The following SPATA6L variants were observed in gnomAD, a reference collection of about 807,000 sequenced individuals.
The protein encoded by SPATA6L is spermatogenesis associated 6-like protein.
SPATA6L carries 68 observed loss-of-function variants against 49.2 expected under a neutral mutation model. That is an observed-to-expected ratio of 1.38 (90% CI 1.14 to 1.69). The LOEUF (loss-of-function observed/expected upper bound fraction) is 1.69. Among genes scored for constraint, SPATA6L ranks in the 40% most tolerant of loss-of-function variants. The pLI, the probability that SPATA6L is intolerant of heterozygous loss-of-function variation, is 0.00. For synonymous variants in SPATA6L, 198 were observed against 165.7 expected, an observed-to-expected ratio of 1.19 and a Z score of -1.50; for missense variants, 668 against 464.3, an observed-to-expected ratio of 1.44 and a Z score of -4.03.
Position 4,617,992 on chromosome 9 carries a change from T to C in SPATA6L, c.926A>G (p.Lys309Arg), listed in dbSNP as rs762180992. Reference protein sequence around the residue: ...SKQGDADFHGKASFATYQHST... With the variant: ...SKQGDADFHGRASFATYQHST... ...ATGCTGGTAGGTGGCAAATGAAGCT[T>C]TCCCGTGGAAATCAGCATCCCCTTG... is the stretch of plus-strand genomic sequence containing the variant. The change falls in exon 9 of 12, where the codon AAA (lysine) becomes AGA (arginine). Residue 309 changes from lysine (K) to arginine (R), a missense_variant. Lys to Arg is a conservative substitution (Grantham distance 26). Coordinates refer to ENST00000682582, the MANE Select transcript of SPATA6L (RefSeq NM_001353486.2). 1.2e-6 allele frequency: 2 copies of C among 1,614,108 alleles called. No individual in the cohort carries two copies. Among genetic ancestry groups the C allele is most frequent in the Non-Finnish European group, 1.7e-6 (2 of 1,180,016 alleles).
chr9:4,632,246 A>G (rs1389339777), intron 4 of SPATA6L, among the ~76,000 whole-genome samples: 1 of 151,236 alleles, frequency 6.6e-6, no homozygotes, highest in Non-Finnish European at 1.5e-5. Flanking sequence ...AACATCAGCT[A>G]TTATCGAAGT....
At chr9:4,659,449 T>C (rs6476886) in intron 2 of SPATA6L, among the ~76,000 whole-genome samples, 90,340 of 149,368 alleles carry the variant, frequency 0.6, 28,703 homozygotes, top group African/African-American at 0.8. Flanking sequence ...GAATAAAATA[T>C]CTAGGAATAC....
intron 8 of SPATA6L, 118 bp downstream of exon 8, chr9:4,618,746 C>T (rs1828587682): frequency 4.2e-6 from 4 of 942,318 alleles, no homozygotes; most frequent in Non-Finnish European, 3.3e-6. Context: ...CACTAAACTA[C>T]AGCAATTCCA....
At chr9:4,658,138 C>A (rs1838734426) in intron 2 of SPATA6L, among the ~76,000 whole-genome samples, 1 of 152,180 alleles carries the variant, frequency 6.6e-6, no homozygotes, top group Admixed American at 6.5e-5. Flanking sequence ...GCCTCCAGAA[C>A]AGTGAGATGA....
chr9:4,625,399 C>T lies in SPATA6L; in HGVS notation c.597G>A (p.Gln199=), dbSNP rs777343071. Residue 199 remains glutamine (Q), a synonymous_variant, in exon 6 of 12, where the codon CAG becomes CAA. Transcript: ENST00000682582. ...TATTTCCAAGGTTCAACTGAGCTGG[C>T]TGGTCCTGGAAGAAATGCCTGGTAG... ...QYSTRHFFQD[Q]PAQLNLGNNF... is the part of the protein sequence containing the mutation. 20 of 1,614,000 alleles carry T rather than the reference C, an allele frequency of 1.2e-5. No individual in the cohort carries two copies. Among genetic ancestry groups the T allele is most frequent in the Admixed American group, 6.7e-5 (4 of 59,988 alleles).
In SPATA6L at chr9:4,663,065, G is replaced by A. The variant is rs767535179; in HGVS notation, c.40-1029C>T. 11 of 1,613,912 alleles carry A rather than the reference G, an allele frequency of 6.8e-6. No homozygotes were observed. In the East Asian group the frequency reaches 2.2e-4, roughly 33 times the overall value. Reference sequence around the variant, plus strand: ...CGAGGTTCATCCTGAACCACCTGGTGCTGGCCATTCCACTGAGGGTGCTGG... The same window carrying A: ...CGAGGTTCATCCTGAACCACCTGGTACTGGCCATTCCACTGAGGGTGCTGG... On this transcript the variant is annotated intron_variant, in intron 1 of 11. Transcript: ENST00000682582.
chr9:4,664,976 A>T lies in SPATA6L; in HGVS notation c.39+1236T>A, dbSNP rs150639998. 334 of 167,272 alleles carry T rather than the reference A, an allele frequency of 2.0e-3. 1 individual carries two copies. The highest frequency in any genetic ancestry group is 3.8e-3 in the Non-Finnish European group (261 of 68,116). The allele number at this position is 167,272 out of a possible 1,614,324, so 10.4% of individuals were successfully genotyped here. The stretch of plus-strand genomic sequence containing the variant: ...GATCCTTTAACTGCAGCAATATTCA[A>T]GCCAGATATTTGGAAGCAAATGATA... On this transcript the variant is annotated intron_variant, in intron 1 of 11. Transcript: ENST00000682582.
intron 4 of SPATA6L, among the ~76,000 whole-genome samples, chr9:4,634,769 G>A (rs1030723468): frequency 1.3e-5 from 2 of 152,036 alleles, no homozygotes; most frequent in Non-Finnish European, 2.9e-5. Context: ...GCCCCCCAAA[G>A]AATTAAATTA....
chr9:4,638,415 G>A (rs770218300), intron 3 of SPATA6L, among the ~76,000 whole-genome samples: 7 of 152,134 alleles, frequency 4.6e-5, no homozygotes, highest in Admixed American at 2.6e-4. Flanking sequence ...GTTTCACCAC[G>A]TTGGCCAGGC....
rs1840180429 is a variant in SPATA6L, at chr9:4,662,835, C to T, written c.40-799G>A. On this transcript the variant is annotated intron_variant, in intron 1 of 11. Coordinates refer to ENST00000682582, the MANE Select transcript of SPATA6L (RefSeq NM_001353486.2). The surrounding 1 kb of genome is among the most constrained non-coding windows in gnomAD (Gnocchi z 4.9). ...CTGGCTGCTGGGCACCCTCTACTGC[C>T]TGTGCAGGAGCGACAGCTGGGCCGG... 3.7e-6 allele frequency: 6 copies of T among 1,605,320 alleles called. No homozygotes were observed. Among genetic ancestry groups the T allele is most frequent in the Non-Finnish European group, 5.1e-6 (6 of 1,179,960 alleles).
At chr9:4,594,780 G>T (rs149469210), downstream of SPATA6L, among the ~76,000 whole-genome samples, 11 of 152,090 alleles carry the variant, frequency 7.2e-5, no homozygotes, top group Non-Finnish European at 1.2e-4. Flanking sequence ...CTCTTCCCAC[G>T]TAATTCTTGA....
At chr9:4,591,426 G>T (rs900326080) in intron 13 of SPATA6L, among the ~76,000 whole-genome samples, 2 of 152,144 alleles carry the variant, frequency 1.3e-5, no homozygotes, top group African/African-American at 4.8e-5. Context: ...ATCCTGTCCG[G>T]GTCTTTAGGA....
At chr9:4,601,639 G>A (rs537803957) in intron 11 of SPATA6L, among the ~76,000 whole-genome samples, 7 of 152,122 alleles carry the variant, frequency 4.6e-5, no homozygotes, top group Admixed American at 2.0e-4. Context: ...TCTCGAGATC[G>A]CTGGGGAGCC....
At chr9:4,643,143 G>C (rs1036576772) in intron 3 of SPATA6L, among the ~76,000 whole-genome samples, 8 of 152,084 alleles carry the variant, frequency 5.3e-5, no homozygotes, top group African/African-American at 1.9e-4. Flanking sequence ...AAGTAGCTCG[G>C]ATTACAGGCA....
chr9:4,589,360 T>C (rs1293623080), intron 13 of SPATA6L, among the ~76,000 whole-genome samples: 4 of 152,178 alleles, frequency 2.6e-5, no homozygotes, highest in African/African-American at 9.7e-5. Flanking sequence ...GGGATGCAAT[T>C]GCTGTTCCAG....
intron 3 of SPATA6L, among the ~76,000 whole-genome samples, chr9:4,653,046 G>A (rs1837289150): frequency 6.6e-6 from 1 of 152,096 alleles, no homozygotes; most frequent in South Asian, 2.1e-4. Context: ...AAACTCAAGT[G>A]AACCAAAATA....
rs1417639745 is a variant in SPATA6L at position 4,666,273 on chromosome 9, A to T, written c.-23T>A. On this transcript the variant is annotated 5_prime_UTR_variant, in exon 1 of 12. Transcript: ENST00000682582. ...CATCGTTCCCTGCGTGGGCGAAAGG[A>T]CTGGAATGAGAAGATCCTTTTGTGC... 3 of 1,613,884 alleles carry T rather than the reference A, an allele frequency of 1.9e-6. No individual in the cohort carries two copies. In the South Asian group the frequency reaches 3.3e-5, roughly 18 times the overall value.
intron 13 of SPATA6L, among the ~76,000 whole-genome samples, chr9:4,590,426 T>C (rs992403647): frequency 2.0e-4 from 31 of 152,176 alleles, no homozygotes; most frequent in Non-Finnish European, 7.4e-5. Context: ...ACCACTGTCA[T>C]GTGTGATTTG....
In SPATA6L at chr9:4,648,855, G is replaced by T. The variant is rs576859178; in HGVS notation, c.226+7186C>A. 2.4e-4 allele frequency among the ~76,000 whole-genome samples: 37 copies of T among 152,050 alleles called. 1 individual carries two copies. In the South Asian group the frequency reaches 7.7e-3, roughly 32 times the overall value. On this transcript the variant is annotated intron_variant, in intron 3 of 11. Transcript: ENST00000682582. ...CACCCTTTCCCCCTGAGTCCCCAAAGTCCATTATGTCATTCTTCTGTTTTT... is the reference window on the plus strand; with the variant it reads ...CACCCTTTCCCCCTGAGTCCCCAAATTCCATTATGTCATTCTTCTGTTTTT...
Sources: allele counts gnomAD v4.1 joint callset (sites outside exome capture counted in the v4.1 genomes callset), GRCh38; gene constraint gnomAD v4.1.1; non-coding constraint Gnocchi (gnomAD v3.1); transcripts MANE v1.5; gene names NCBI Gene and HGNC (gene_info 2026-07-23, HGNC 2026-07-21).